KIAA0232: variants seen among roughly 807,000 people sequenced by gnomAD.
KIAA0232 encodes the protein uncharacterized protein KIAA0232.
Under a neutral mutation model 122.0 loss-of-function variants are expected in KIAA0232, and 27 were observed. The observed-to-expected ratio is 0.22, with a 90% CI of 0.16 to 0.31. KIAA0232 has a LOEUF of 0.31. Ranked by LOEUF, KIAA0232 falls within the 10% of genes least tolerant of loss-of-function variation. The probability of loss-of-function intolerance (pLI) is 1.00; values close to 1 mark genes in which losing one functional copy is unlikely to be tolerated. For synonymous variants in KIAA0232, 613 were observed against 587.6 expected, an observed-to-expected ratio of 1.04 and a Z score of -0.63; for missense variants, 1,551 against 1,634.2, an observed-to-expected ratio of 0.95 and a Z score of 0.88.
chr4:6,801,613 A>G (rs972451309), intron 1 of KIAA0232, among the ~76,000 whole-genome samples: 3 of 151,996 alleles, frequency 2.0e-5, no homozygotes, highest in African/African-American at 7.2e-5. Flanking sequence ...GAGCCCAGGA[A>G]TTCCAAGCTG....
intron 9 of KIAA0232, among the ~76,000 whole-genome samples, chr4:6,878,387 A>ACATACATACATG (rs1307330681): frequency 1.5e-4 from 23 of 152,066 alleles, no homozygotes; most frequent in East Asian, 7.7e-4. Context: ...ATTCATACAT[A>ACATACATACATG]CATACATACA....
chr4:6,834,026 C>T (rs551726144), intron 3 of KIAA0232, among the ~76,000 whole-genome samples: 15 of 152,294 alleles, frequency 9.8e-5, no homozygotes, highest in African/African-American at 3.1e-4. Flanking sequence ...ACCTTCTTCA[C>T]TTTCCAACTT....
At chr4:6,874,779 C>T (rs924855884) in intron 8 of KIAA0232, among the ~76,000 whole-genome samples, 2 of 152,170 alleles carry the variant, frequency 1.3e-5, no homozygotes, top group Non-Finnish European at 2.9e-5. Flanking sequence ...GGTAAAGTGC[C>T]TAGAACAGTG....
chr4:6,871,707 T>C, intron 8 of KIAA0232, 25 bp downstream of exon 8: 2 of 1,297,732 alleles, frequency 1.5e-6, no homozygotes, highest in Non-Finnish European at 2.2e-6. Flanking sequence ...GTTAGTTCAT[T>C]TATTCATTGC....
At chr4:6,807,018 T>TTGTC (rs565964056) in intron 2 of KIAA0232, among the ~76,000 whole-genome samples, 7,667 of 145,170 alleles carry the variant, frequency 0.053, 251 homozygotes, top group Non-Finnish European at 0.073. Flanking sequence ...TTTTTCCTTT[T>TTGTC]TGTCTGTCTG....
At chr4:6,867,390 A>G (rs1159499629) in intron 7 of KIAA0232, among the ~76,000 whole-genome samples, 3 of 152,184 alleles carry the variant, frequency 2.0e-5, no homozygotes, top group African/African-American at 7.2e-5. Context: ...GAATCTGCTG[A>G]TGTGTGCAGG....
At chr4:6,823,076 G>A (rs1197403857) in intron 2 of KIAA0232, among the ~76,000 whole-genome samples, 1 of 151,360 alleles carries the variant, frequency 6.6e-6, no homozygotes, top group African/African-American at 2.4e-5. Flanking sequence ...ATGATTTCCA[G>A]TTTCATCCAT....
chr4:6,811,135 G>T (rs1048077442), intron 2 of KIAA0232, among the ~76,000 whole-genome samples: 4 of 152,054 alleles, frequency 2.6e-5, no homozygotes, highest in Non-Finnish European at 5.9e-5. Context: ...GGAAAAGAAC[G>T]TGTCAGAAAG....
At chr4:6,852,332 A>G (rs1300152443) in intron 4 of KIAA0232, among the ~76,000 whole-genome samples, 1 of 152,120 alleles carries the variant, frequency 6.6e-6, no homozygotes, top group African/African-American at 2.4e-5. Context: ...CCTGGCACAT[A>G]TTCTCAGTCT....
At chr4:6,836,957 C>G (rs1169387268) in intron 3 of KIAA0232, among the ~76,000 whole-genome samples, 1 of 152,216 alleles carries the variant, frequency 6.6e-6, no homozygotes, top group Non-Finnish European at 1.5e-5. Context: ...TCCACACAGA[C>G]ACGGTAACAA....
At position 6,859,997 on chromosome 4, in the gene KIAA0232, C is replaced by CA. The variant is rs1720770489; in HGVS notation, c.519-903dup. ...ACATGTGTGTCTTGGTGTCCTCACACAGGCTCTCAGGCCTCACAGGTAGTA... is the reference window on the plus strand; with the variant it reads ...ACATGTGTGTCTTGGTGTCCTCACACAAGGCTCTCAGGCCTCACAGGTAGTA... On this transcript the variant is annotated intron_variant, in intron 6 of 9. Transcript: ENST00000307659. 2.0e-5 allele frequency among the ~76,000 whole-genome samples: 3 copies of CA among 152,318 alleles called. No individual in the cohort carries two copies. The South Asian group carries it at 6.2e-4, about 32-fold the overall frequency.
chr4:6,796,459 C>T (rs1212849591), intron 1 of KIAA0232, among the ~76,000 whole-genome samples: 1 of 152,168 alleles, frequency 6.6e-6, no homozygotes, highest in African/African-American at 2.4e-5. Flanking sequence ...CCAGGCTGGC[C>T]TCAAACTCCT....
intron 1 of KIAA0232, among the ~76,000 whole-genome samples, chr4:6,791,315 CTTTTTTTTTTT>C (rs10716163): frequency 2.4e-5 from 2 of 82,664 alleles, no homozygotes; most frequent in Middle Eastern, 9.3e-3. Flanking sequence ...GTCATAAAGC[CTTTTTTTTTTT>C]TTTTTTTTTT....
chr4:6,808,165 T>C (rs1380604817), intron 2 of KIAA0232, among the ~76,000 whole-genome samples: 1 of 152,158 alleles, frequency 6.6e-6, no homozygotes, highest in Non-Finnish European at 1.5e-5. Flanking sequence ...CAAATAGTAT[T>C]TAGGATTTTG....
At chr4:6,835,803 C>CT (rs1719236463) in intron 3 of KIAA0232, among the ~76,000 whole-genome samples, 1 of 152,160 alleles carries the variant, frequency 6.6e-6, no homozygotes, top group Non-Finnish European at 1.5e-5. Flanking sequence ...TGAACTCATC[C>CT]TTTTTTATGG....
chr4:6,871,803 G>A (rs1721504894), intron 8 of KIAA0232, 121 bp downstream of exon 8: 2 of 662,666 alleles, frequency 3.0e-6, no homozygotes, highest in African/African-American at 1.8e-5. Context: ...TGTGTGGGTA[G>A]CACTTTGTCA....
chr4:6,863,097 C>T lies in KIAA0232; in HGVS notation c.2715C>T (p.Asn905=), dbSNP rs373374875. The change falls in exon 7 of 10, where the codon AAC becomes AAT. Residue 905 remains asparagine (N), a synonymous_variant. Coordinates refer to ENST00000307659, the MANE Select transcript of KIAA0232 (RefSeq NM_014743.3). ...KRAFASSELS[N]VDGGDYTTPS... is the part of the protein sequence containing the mutation. Reference sequence around the variant, plus strand: ...CATTTGCTTCTAGTGAGCTATCAAACGTGGATGGTGGTGATTATACAACAC... The same window carrying T: ...CATTTGCTTCTAGTGAGCTATCAAATGTGGATGGTGGTGATTATACAACAC... 49 of 1,614,058 alleles carry T rather than the reference C, an allele frequency of 3.0e-5. 1 individual carries two copies. The highest frequency in any genetic ancestry group is 8.3e-5 in the Admixed American group (5 of 59,994).
At chr4:6,791,421 C>T (rs1716889445) in intron 1 of KIAA0232, among the ~76,000 whole-genome samples, 1 of 149,982 alleles carries the variant, frequency 6.7e-6, no homozygotes, top group African/African-American at 2.5e-5. Flanking sequence ...GGCCACCTCC[C>T]AGGCTCAATT....
intron 2 of KIAA0232, among the ~76,000 whole-genome samples, chr4:6,820,285 C>T (rs535005071): frequency 2.0e-5 from 3 of 152,254 alleles, no homozygotes; most frequent in African/African-American, 2.4e-5. Context: ...GACGCCACAT[C>T]TTACTTGGGT....
Sources: gnomAD v4.1 joint callset for allele counts (sites outside exome capture counted in the v4.1 genomes callset) on GRCh38, gnomAD v4.1.1 for gene constraint, MANE v1.5 for transcripts, NCBI Gene and HGNC (gene_info 2026-07-23, HGNC 2026-07-21) for gene names.